Variants in COL7A1 observed in about 807,000 individuals in gnomAD.
COL7A1 encodes collagen alpha-1(VII) chain.
A neutral mutation model predicts 456.2 loss-of-function variants in COL7A1; 296 were observed. That is an observed-to-expected ratio of 0.65 (90% confidence interval 0.59 to 0.71). The LOEUF (loss-of-function observed/expected upper bound fraction) is 0.71. Among genes scored for constraint, COL7A1 ranks in the 30% least tolerant of loss-of-function variants. The pLI is 0.00. For missense variants in COL7A1, 3,441 were observed against 4,017.2 expected, an observed-to-expected ratio of 0.86 and a Z score of 3.88; for synonymous variants, 1,464 against 1,525.9, an observed-to-expected ratio of 0.96 and a Z score of 0.95.
chr3:48,568,870 A>C lies in COL7A1; in HGVS notation c.7687-15T>G. On this transcript the variant is annotated splice_polypyrimidine_tract_variant and intron_variant, in intron 103 of 118. Transcript: ENST00000681320. This position sits in a 1 kb window ranked among gnomAD's most constrained non-coding sequence, Gnocchi z 5.2. ...CCCTTGCTGCCCTGTGGGAGTGACCAGGAGAGGGATTCAGTCAGGACCAGA... is the reference window on the plus strand; with the variant it reads ...CCCTTGCTGCCCTGTGGGAGTGACCCGGAGAGGGATTCAGTCAGGACCAGA... 1 of 1,567,906 alleles carries C rather than the reference A, an allele frequency of 6.4e-7. No individual in the cohort carries two copies. Among genetic ancestry groups the C allele is most frequent in the Non-Finnish European group, 8.7e-7 (1 of 1,154,976 alleles).
rs768570037 is a variant in COL7A1, at chr3:48,567,797, C to T, written c.7930-34G>A. ...ATCAGGCAGTGGGGTGAGCCTTAGG[C>T]CCCAGGCCACGTAGCCCCCCAGCCC... On this transcript the variant is annotated intron_variant, in intron 107 of 118. Transcript: ENST00000681320. The surrounding 1 kb of genome is among the most constrained non-coding windows in gnomAD (Gnocchi z 4.3). The T allele has an allele frequency of 6.2e-6, 10 of 1,614,130 alleles. No homozygotes were observed. The highest frequency in any genetic ancestry group is 8.5e-6 in the Non-Finnish European group (10 of 1,180,016).
chr3:48,582,788 G>A (rs1007200716), intron 44 of COL7A1, 135 bp from the exon 45 acceptor site: 52 of 1,158,218 alleles, frequency 4.5e-5, no homozygotes, highest in Non-Finnish European at 6.4e-5. Flanking sequence ...GTAAGACTTG[G>A]CAGGAGAACA....
At position 48,583,457 on chromosome 3, in the gene COL7A1, G is replaced by T; in HGVS notation, c.4402-29C>A. ...GAAGGGATGAATTTGGGGGTTCAGA[G>T]ATTTGGGTTTGGGCATGAGGATGGA... On this transcript the variant is annotated intron_variant, in intron 41 of 118. Coordinates refer to ENST00000681320, the MANE Select transcript of COL7A1 (RefSeq NM_000094.4). This position sits in a 1 kb window ranked among gnomAD's most constrained non-coding sequence, Gnocchi z 5.1. 6.2e-7 allele frequency: 1 copy of T among 1,614,170 alleles called. No homozygotes were observed. The highest frequency in any genetic ancestry group is 8.5e-7 in the Non-Finnish European group (1 of 1,180,030).
In COL7A1 at chr3:48,585,618, C is replaced by T; in HGVS notation, c.3833G>A (p.Gly1278Asp). 1 of 1,614,004 alleles carries T rather than the reference C, an allele frequency of 6.2e-7. No individual in the cohort carries two copies. Among genetic ancestry groups the T allele is most frequent in the Non-Finnish European group, 8.5e-7 (1 of 1,180,022 alleles). Residue 1278 changes from glycine (G) to aspartate (D), a missense_variant and splice_region_variant, in exon 32 of 119, where the codon GGC becomes GAC. Around this residue, in one of 3 missense-constraint regions of COL7A1, gnomAD observed 2,084 missense variants for 2,501.3 expected, o/e 0.83. Transcript: ENST00000681320. The surrounding 1 kb of genome is among the most constrained non-coding windows in gnomAD (Gnocchi z 4.5). The part of the protein sequence containing the change: ...VGPPGDPGLP[G>D]RTGAPGPQGP... ...CTGGGGGCCGGGAGCACCGGTCCTG[C>T]CCTGAAAGAAGATAGCAGTTAGGTG...
Position 48,574,211 on chromosome 3 carries a change from A to G in COL7A1, c.6501+51T>C, listed in dbSNP as rs2044128599. ...CATGCACACACACAGCAGCAGCAGC[A>G]CCTAGCGGAGGGTCCGGAGCCTGGG... On this transcript the variant is annotated intron_variant, in intron 80 of 118. Transcript: ENST00000681320. The surrounding 1 kb of genome is among the most constrained non-coding windows in gnomAD (Gnocchi z 5.0). 1 of 1,607,832 alleles carries G rather than the reference A, an allele frequency of 6.2e-7. No homozygotes were observed. Among genetic ancestry groups the G allele is most frequent in the Admixed American group, 1.7e-5 (1 of 59,966 alleles).
rs182110853 is a variant in COL7A1 at position 48,576,195 on chromosome 3, G to A, written c.5820+54C>T. On this transcript the variant is annotated intron_variant, in intron 71 of 118. Coordinates refer to ENST00000681320, the MANE Select transcript of COL7A1 (RefSeq NM_000094.4). ...GGCAAGGGGAAGGGGATGGCAAGGTGGCCCCAATGGGCATGCAAAACAGAG... is the reference window on the plus strand; with the variant it reads ...GGCAAGGGGAAGGGGATGGCAAGGTAGCCCCAATGGGCATGCAAAACAGAG... 9.3e-6 allele frequency: 15 copies of A among 1,608,278 alleles called. No individual in the cohort carries two copies. The Admixed American group carries it at 2.3e-4, about 25-fold the overall frequency.
chr3:48,571,626 G>C lies in COL7A1; in HGVS notation c.7069-348C>G, dbSNP rs2043926814. On this transcript the variant is annotated intron_variant, in intron 92 of 118. Transcript: ENST00000681320. This position sits in a 1 kb window ranked among gnomAD's most constrained non-coding sequence, Gnocchi z 4.6. The stretch of plus-strand genomic sequence containing the variant: ...ACACGTCCACTCCCGGGTAGAGCAG[G>C]CATGGCCACAGGCTGAACGCTGGCA... 2 of 657,042 alleles carry C rather than the reference G, an allele frequency of 3.0e-6. No homozygotes were observed. Among genetic ancestry groups the C allele is most frequent in the East Asian group, 6.2e-5 (2 of 32,084 alleles). The allele number at this position is 657,042 out of a possible 1,614,324, so 40.7% of individuals were successfully genotyped here. A position where few individuals can be genotyped will look rare whatever the true frequency, so the allele number is the denominator to read the frequency against.
In COL7A1 at chr3:48,580,934, TAGAG is replaced by T. The variant is rs763134518; in HGVS notation, c.4936-12_4936-9del. On this transcript the variant is annotated splice_polypyrimidine_tract_variant and intron_variant, in intron 53 of 118. Coordinates refer to ENST00000681320, the MANE Select transcript of COL7A1 (RefSeq NM_000094.4). This position sits in a 1 kb window ranked among gnomAD's most constrained non-coding sequence, Gnocchi z 4.5. ...AGGCAAACCCGGGTCACCCTGGTGA[TAGAG>T]AGAAAAGTCATACTGCACAGGGCAG... 15 of 1,614,000 alleles carry T rather than the reference TAGAG, an allele frequency of 9.3e-6. No individual in the cohort carries two copies. Among genetic ancestry groups the T allele is most frequent in the African/African-American group, 4.0e-5 (3 of 75,012 alleles).
chr3:48,585,815 C>A lies in COL7A1; in HGVS notation c.3786+15G>T, dbSNP rs373252766. The A allele has an allele frequency of 2.5e-6, 4 of 1,614,066 alleles. No homozygotes were observed. Among genetic ancestry groups the A allele is most frequent in the Non-Finnish European group, 2.5e-6 (3 of 1,180,012 alleles). Reference sequence around the variant, plus strand: ...CTCAACCCATTCTCTATTCCCCGCCCGCAGGGGCACTCACCATCTCTCCAG... The same window carrying A: ...CTCAACCCATTCTCTATTCCCCGCCAGCAGGGGCACTCACCATCTCTCCAG... On this transcript the variant is annotated intron_variant, in intron 30 of 118. Transcript: ENST00000681320. The surrounding 1 kb of genome is among the most constrained non-coding windows in gnomAD (Gnocchi z 4.5).
Position 48,566,856 on chromosome 3 carries a change from G to T in COL7A1, c.8226+51C>A. ...CAGGCTGGAAGATGGTTATGAGGTT[G>T]GAAGGGTAGGGAAGGTTCAGGGATC... On this transcript the variant is annotated intron_variant, in intron 111 of 118. Transcript: ENST00000681320. The surrounding 1 kb of genome is among the most constrained non-coding windows in gnomAD (Gnocchi z 5.9). 1 of 1,569,170 alleles carries T rather than the reference G, an allele frequency of 6.4e-7. No individual in the cohort carries two copies. The highest frequency in any genetic ancestry group is 2.3e-5 in the East Asian group (1 of 43,604).
chr3:48,581,242 C>G lies in COL7A1; in HGVS notation c.4899+18G>C, dbSNP rs749458165. 2.2e-5 allele frequency: 36 copies of G among 1,613,076 alleles called. No individual in the cohort carries two copies. The highest frequency in any genetic ancestry group is 3.0e-5 in the Non-Finnish European group (35 of 1,179,670). On this transcript the variant is annotated intron_variant, in intron 52 of 118. Coordinates refer to ENST00000681320, the MANE Select transcript of COL7A1 (RefSeq NM_000094.4). The surrounding 1 kb of genome is among the most constrained non-coding windows in gnomAD (Gnocchi z 5.8). Reference sequence around the variant, plus strand: ...TACTCCCTTACCCGCCATGACTCCCCCGACTCCAGCCTCTTACATCTCGTC... The same window carrying G: ...TACTCCCTTACCCGCCATGACTCCCGCGACTCCAGCCTCTTACATCTCGTC...
Position 48,578,342 on chromosome 3 carries a change from T to G in COL7A1, c.5511A>C (p.Lys1837Asn), listed in dbSNP as rs765657876. 10 of 1,612,768 alleles carry G rather than the reference T, an allele frequency of 6.2e-6. 1 individual carries two copies. Among genetic ancestry groups the G allele is most frequent in the Non-Finnish European group, 6.8e-6 (8 of 1,180,014 alleles). The change falls in exon 65 of 119, where the codon AAA becomes AAC. Residue 1837 changes from lysine (K) to asparagine (N), a missense_variant. Physicochemically the swap from Lys to Asn is moderately conservative, Grantham distance 94 (BLOSUM62 0). This residue lies in a region of COL7A1 where 2,084 missense variants were observed against 2,501.3 expected (regional missense o/e 0.83). Coordinates refer to ENST00000681320, the MANE Select transcript of COL7A1 (RefSeq NM_000094.4). This position sits in a 1 kb window ranked among gnomAD's most constrained non-coding sequence, Gnocchi z 4.7. ...TCACGTTTTTTCCATTCAGGCCAGG[T>G]TTGCCATCCTCGCCTGGCTTTCCCT... ...GLPGKPGEDG[K>N]PGLNGKNGEP...
chr3:48,582,948 G>T (rs951561957), intron 44 of COL7A1, 65 bp downstream of exon 44: 3 of 1,612,044 alleles, frequency 1.9e-6, no homozygotes, highest in Non-Finnish European at 2.5e-6. Context: ...TCAAGGGCAA[G>T]AAGTCAGAAC....
chr3:48,565,308 C>G lies in COL7A1; in HGVS notation c.8527+102G>C, dbSNP rs539095375. ...ACACAGTGCCCATGCGTGTGCCCTG[C>G]ATGCAGACCCTACGTGCTTGGCGTG... On this transcript the variant is annotated intron_variant, in intron 116 of 118. Coordinates refer to ENST00000681320, the MANE Select transcript of COL7A1 (RefSeq NM_000094.4). The surrounding 1 kb of genome is among the most constrained non-coding windows in gnomAD (Gnocchi z 4.5). 5 of 1,491,514 alleles carry G rather than the reference C, an allele frequency of 3.4e-6. No homozygotes were observed. The East Asian group carries it at 7.2e-5, about 21-fold the overall frequency. The allele number at this position is 1,491,514 out of a possible 1,614,324, so 92.4% of individuals were successfully genotyped here.
Position 48,567,284 on chromosome 3 carries a change from C to A in COL7A1, c.8047-94G>T. Reference sequence around the variant, plus strand: ...CCCATGAGCTCCCTGGCCTAATGCCCAAACCTTCTGTAACCCAAGCACCTG... The same window carrying A: ...CCCATGAGCTCCCTGGCCTAATGCCAAAACCTTCTGTAACCCAAGCACCTG... On this transcript the variant is annotated intron_variant, in intron 109 of 118. Coordinates refer to ENST00000681320, the MANE Select transcript of COL7A1 (RefSeq NM_000094.4). The surrounding 1 kb of genome is among the most constrained non-coding windows in gnomAD (Gnocchi z 4.3). 3 of 1,501,886 alleles carry A rather than the reference C, an allele frequency of 2.0e-6. No homozygotes were observed. The highest frequency in any genetic ancestry group is 2.8e-6 in the Non-Finnish European group (3 of 1,087,600). 93.0% of individuals were successfully genotyped at this position (1,501,886 alleles called of 1,614,324 possible).
chr3:48,566,127 C>T lies in COL7A1; in HGVS notation c.8407+140G>A. On this transcript the variant is annotated intron_variant, in intron 114 of 118. Coordinates refer to ENST00000681320, the MANE Select transcript of COL7A1 (RefSeq NM_000094.4). This position sits in a 1 kb window ranked among gnomAD's most constrained non-coding sequence, Gnocchi z 5.9. ...CTGGGGACACATGTCATGTGTCAGT[C>T]CTGCAGCACATGTGTCCTTCTGTGT... 3 of 900,758 alleles carry T rather than the reference C, an allele frequency of 3.3e-6. No individual in the cohort carries two copies. In the East Asian group the frequency reaches 7.9e-5, roughly 24 times the overall value. The allele number at this position is 900,758 out of a possible 1,614,324, so 55.8% of individuals were successfully genotyped here. A position where few individuals can be genotyped will look rare whatever the true frequency, so the allele number is the denominator to read the frequency against.
At position 48,580,360 on chromosome 3, in the gene COL7A1, G is replaced by C. The variant is rs766917116; in HGVS notation, c.5053-16C>G. The C allele has an allele frequency of 6.2e-7, 1 of 1,607,586 alleles. No individual in the cohort carries two copies. The highest frequency in any genetic ancestry group is 8.5e-7 in the Non-Finnish European group (1 of 1,176,688). ...CAGGGCTGCCCTGCAGAAAGGCAGG[G>C]GTCAGGGCCACTCAAGGTAGGCAGC... On this transcript the variant is annotated splice_polypyrimidine_tract_variant and intron_variant, in intron 55 of 118. Coordinates refer to ENST00000681320, the MANE Select transcript of COL7A1 (RefSeq NM_000094.4). The surrounding 1 kb of genome is among the most constrained non-coding windows in gnomAD (Gnocchi z 4.5).
At position 48,583,223 on chromosome 3, in the gene COL7A1, G is replaced by T. The variant is rs1359587889; in HGVS notation, c.4438-52C>A. On this transcript the variant is annotated intron_variant, in intron 42 of 118. Coordinates refer to ENST00000681320, the MANE Select transcript of COL7A1 (RefSeq NM_000094.4). This position sits in a 1 kb window ranked among gnomAD's most constrained non-coding sequence, Gnocchi z 5.1. ...AGAGAGAGAGAGGGTTGGTGGCGGG[G>T]CTTGAACGTCAAACCCCAGACAAGG... 21 of 1,609,484 alleles carry T rather than the reference G, an allele frequency of 1.3e-5. No individual in the cohort carries two copies. The highest frequency in any genetic ancestry group is 1.7e-5 in the Non-Finnish European group (20 of 1,177,926).
chr3:48,576,510 A>T lies in COL7A1; in HGVS notation c.5736+12T>A, dbSNP rs756107860. The T allele has an allele frequency of 2.5e-6, 4 of 1,612,002 alleles. No individual in the cohort carries two copies. The South Asian group carries it at 4.4e-5, about 18-fold the overall frequency. The stretch of plus-strand genomic sequence containing the variant: ...CCCCTCACCACGCCCCCTACCCAAC[A>T]TCCGCACTCACCTTGGGGCCCGTGC... On this transcript the variant is annotated intron_variant, in intron 69 of 118. Coordinates refer to ENST00000681320, the MANE Select transcript of COL7A1 (RefSeq NM_000094.4).
Sources: allele counts gnomAD v4.1 joint callset, GRCh38; gene constraint gnomAD v4.1.1; regional missense constraint gnomAD v4.1.1; non-coding constraint Gnocchi (gnomAD v3.1); transcripts MANE v1.5; gene names NCBI Gene and HGNC (gene_info 2026-07-23, HGNC 2026-07-21).